IGF2R: variants seen among roughly 807,000 people sequenced by gnomAD.
The protein encoded by IGF2R is cation-independent mannose-6-phosphate receptor.
In IGF2R, 91 loss-of-function variants were observed where a neutral mutation model predicts 270.6. The observed-to-expected ratio is 0.34, with a 90% CI of 0.28 to 0.40. The LOEUF (loss-of-function observed/expected upper bound fraction) is 0.40. IGF2R is among the 10% of genes least tolerant of loss of function. The probability of loss-of-function intolerance (pLI) is 1.00; values close to 1 mark genes in which losing one functional copy is unlikely to be tolerated. For missense variants in IGF2R, 2,805 were observed against 3,188.3 expected, an observed-to-expected ratio of 0.88 and a Z score of 2.90; for synonymous variants, 1,316 against 1,258.9, an observed-to-expected ratio of 1.05 and a Z score of -0.96.
intron 38 of IGF2R, 150 bp downstream of exon 38, chr6:160,079,937 C>A (rs1778940801): frequency 2.0e-6 from 2 of 985,716 alleles, no homozygotes; most frequent in Non-Finnish European, 3.0e-6. Flanking sequence ...TCTGTACACC[C>A]CCGGTGTGAA....
intron 10 of IGF2R, among the ~76,000 whole-genome samples, chr6:160,039,526 A>G (rs1777896563): frequency 6.6e-6 from 1 of 152,208 alleles, no homozygotes; most frequent in Non-Finnish European, 1.5e-5. Flanking sequence ...TGTGGCTGGT[A>G]TTATAATTAT....
chr6:159,995,143 G>A (rs1784032686), intron 2 of IGF2R, among the ~76,000 whole-genome samples: 1 of 151,768 alleles, frequency 6.6e-6, no homozygotes. Context: ...TTTGTATTTA[G>A]GATGGTTATA....
At position 159,975,382 on chromosome 6, in the gene IGF2R, C is replaced by T. The variant is rs76390488; in HGVS notation, c.149+5987C>T. Among the ~76,000 whole-genome samples the T allele has an allele frequency of 8.0e-3, 1,215 of 152,196 alleles. 25 individuals carry two copies. Among genetic ancestry groups the T allele is most frequent in the African/African-American group, 0.028 (1,147 of 41,492 alleles). On this transcript the variant is annotated intron_variant, in intron 1 of 47. Coordinates refer to ENST00000356956, the MANE Select transcript of IGF2R (RefSeq NM_000876.4). ...TGGCTCACTACCCTCCAGGAATTGC[C>T]GTGCATTCAACTATTTGGAAGCTCC...
intron 1 of IGF2R, among the ~76,000 whole-genome samples, chr6:159,981,576 T>C (rs1783804777): frequency 6.6e-6 from 1 of 152,220 alleles, no homozygotes; most frequent in Non-Finnish European, 1.5e-5. Flanking sequence ...GATCATAGTC[T>C]GTTTCGATAG....
chr6:160,010,907 A>G, intron 4 of IGF2R, 122 bp downstream of exon 4: 1 of 613,490 alleles, frequency 1.6e-6, no homozygotes, highest in Non-Finnish European at 2.9e-6. Context: ...GCATTTGAGC[A>G]GAGATACCAT....
chr6:160,050,654 T>C lies in IGF2R; in HGVS notation c.2694+2T>C. ...CTCGTCTGCTCCAGGGGCAGGCTGGTAAGGCACTGCTGCTGGCTGGTGACC... is the reference window on the plus strand; with the variant it reads ...CTCGTCTGCTCCAGGGGCAGGCTGGCAAGGCACTGCTGCTGGCTGGTGACC... On this transcript the variant is annotated splice_donor_variant, in intron 19 of 47. Transcript: ENST00000356956. LOFTEE classifies it high-confidence loss of function. This position sits in a 1 kb window ranked among gnomAD's most constrained non-coding sequence, Gnocchi z 4.0. 6.3e-7 allele frequency: 1 copy of C among 1,597,518 alleles called. No individual in the cohort carries two copies. The highest frequency in any genetic ancestry group is 8.6e-7 in the Non-Finnish European group (1 of 1,167,414).
intron 45 of IGF2R, among the ~76,000 whole-genome samples, chr6:160,100,643 C>T (rs879713429): frequency 6.7e-6 from 1 of 150,054 alleles, no homozygotes; most frequent in Admixed American, 6.7e-5. Context: ...GTTGGGAGAA[C>T]ACTGTTTGCC....
intron 28 of IGF2R, 103 bp from the exon 29 acceptor site, chr6:160,064,701 T>C: frequency 9.0e-7 from 1 of 1,106,348 alleles, no homozygotes; most frequent in South Asian, 1.4e-5. Flanking sequence ...GTATTGATTT[T>C]CATGAACGTA....
At chr6:160,061,403 C>G (rs1460763963) in intron 23 of IGF2R, 100 bp from the exon 24 acceptor site, 6 of 1,068,542 alleles carry the variant, frequency 5.6e-6, no homozygotes, top group Non-Finnish European at 8.3e-6. Context: ...TTAGGAATGC[C>G]AGGTTCACGC....
chr6:160,029,251 A>G (rs1777637637), intron 6 of IGF2R, among the ~76,000 whole-genome samples: 1 of 152,318 alleles, frequency 6.6e-6, no homozygotes, highest in Non-Finnish European at 1.5e-5. Context: ...GAATGCTGGG[A>G]TTACAGGCGT....
rs1778105166 is a variant in IGF2R, at chr6:160,047,885, C to T, written c.2323C>T (p.Leu775=). 1 of 1,612,746 alleles carries T rather than the reference C, an allele frequency of 6.2e-7. No homozygotes were observed. The highest frequency in any genetic ancestry group is 8.5e-7 in the Non-Finnish European group (1 of 1,178,706). ...LECVVTDPST[L]EQYDLSSLAK... ...ATGCGTAGTGACCGACCCCTCCACG[C>T]TGGAGCAGTACGACCTCTCCAGGTG... Residue 775 remains leucine (L), a synonymous_variant, in exon 17 of 48, where the codon CTG becomes TTG. Coordinates refer to ENST00000356956, the MANE Select transcript of IGF2R (RefSeq NM_000876.4).
At chr6:160,057,953 CTGTA>C (rs1778348856) in intron 20 of IGF2R, 66 bp from the exon 21 acceptor site, 1 of 866,144 alleles carries the variant, frequency 1.2e-6, no homozygotes, top group Non-Finnish European at 2.0e-6. Flanking sequence ...TCTGGAGGTG[CTGTA>C]TGTATGTTAT....
chr6:160,040,977 G>A lies in IGF2R; in HGVS notation c.1480+253G>A, dbSNP rs1777932988. On this transcript the variant is annotated intron_variant, in intron 11 of 47. Transcript: ENST00000356956. ...CACACTGCCTCTCTTCCATCTCTGAGGTGGGATCTGCAGCCTCTGCCCCCT... is the reference window on the plus strand; with the variant it reads ...CACACTGCCTCTCTTCCATCTCTGAAGTGGGATCTGCAGCCTCTGCCCCCT... 2.6e-5 allele frequency among the ~76,000 whole-genome samples: 4 copies of A among 152,268 alleles called. No individual in the cohort carries two copies. The South Asian group carries it at 8.3e-4, about 32-fold the overall frequency.
chr6:160,025,782 A>G, intron 5 of IGF2R, among the ~76,000 whole-genome samples: 1 of 152,148 alleles, frequency 6.6e-6, no homozygotes, highest in East Asian at 1.9e-4. Context: ...TGGGTCTGTA[A>G]CTCAAGTTTG....
chr6:160,045,705 G>C, intron 13 of IGF2R, 40 bp from the exon 14 acceptor site: 1 of 1,612,160 alleles, frequency 6.2e-7, no homozygotes, highest in Non-Finnish European at 8.5e-7. Flanking sequence ...TTTTAGGAAT[G>C]AACGGATTAG....
Position 159,988,865 on chromosome 6 carries a change from G to GT in IGF2R, c.150-2318dup, listed in dbSNP as rs151105639. On this transcript the variant is annotated intron_variant, in intron 1 of 47. Transcript: ENST00000356956. ...GCTGTACTCTCCTGTGCCTCCCGCA[G>GT]TAAGTACTTAAGAAATACTTGTGAA... Among the ~76,000 whole-genome samples, 33 of 152,230 alleles carry GT rather than the reference G, an allele frequency of 2.2e-4. No individual in the cohort carries two copies. The East Asian group carries it at 6.2e-3, about 28-fold the overall frequency.
chr6:160,020,991 T>C (rs1029128086), intron 4 of IGF2R, among the ~76,000 whole-genome samples: 17 of 152,152 alleles, frequency 1.1e-4, no homozygotes, highest in Admixed American at 6.5e-4. Context: ...GCAAAATACA[T>C]AGTCAGCAGA....
chr6:160,044,766 C>A, intron 13 of IGF2R, 109 bp downstream of exon 13: 3 of 872,760 alleles, frequency 3.4e-6, no homozygotes, highest in Non-Finnish European at 5.2e-6. Flanking sequence ...GACAGATTGG[C>A]ATGGTGTTCA....
intron 36 of IGF2R, among the ~76,000 whole-genome samples, chr6:160,077,650 T>C (rs559658496): frequency 6.6e-6 from 1 of 152,372 alleles, no homozygotes; most frequent in South Asian, 2.1e-4. Flanking sequence ...ATGGAAGTAC[T>C]TTTACCACTG....
Sources: gnomAD v4.1 joint callset for allele counts (sites outside exome capture counted in the v4.1 genomes callset) on GRCh38, gnomAD v4.1.1 for gene constraint, Gnocchi (gnomAD v3.1) non-coding constraint, MANE v1.5 for transcripts, NCBI Gene and HGNC (gene_info 2026-07-23, HGNC 2026-07-21) for gene names.